The following DCAF16 variants were observed in gnomAD, a reference collection of about 807,000 sequenced individuals.
DCAF16 encodes the protein DDB1- and CUL4-associated factor 16.
A neutral mutation model predicts 17.3 loss-of-function variants in DCAF16; 10 were observed. The observed-to-expected ratio is 0.58, with a 90% CI of 0.36 to 0.98. The LOEUF is 0.98. Among genes scored for constraint, DCAF16 ranks in the 50% least tolerant of loss-of-function variants. The pLI, the probability that DCAF16 is intolerant of heterozygous loss-of-function variation, is 0.01. For missense variants in DCAF16, 249 were observed against 247.6 expected, an observed-to-expected ratio of 1.01 and a Z score of -0.04; for synonymous variants, 111 against 92.8, an observed-to-expected ratio of 1.20 and a Z score of -1.12.
At position 17,801,007 on chromosome 4, in the gene DCAF16, T is replaced by C. The variant is rs1021725020; in HGVS notation, c.*2484A>G. On this transcript the variant is annotated 3_prime_UTR_variant, in exon 3 of 3. Coordinates refer to ENST00000382247, the MANE Select transcript of DCAF16 (RefSeq NM_017741.4). The stretch of plus-strand genomic sequence containing the variant: ...AATAATTTCCACTAACAAATACTTT[T>C]ATTCTACAATTCCCTCTTTTTTCCT... 6.6e-6 allele frequency: 1 copy of C among 152,268 alleles called. No homozygotes were observed. Among genetic ancestry groups the C allele is most frequent in the African/African-American group, 2.4e-5 (1 of 41,468 alleles). 9.4% of individuals were successfully genotyped at this position (152,268 alleles called of 1,614,324 possible). A position where few individuals can be genotyped will look rare whatever the true frequency, so the allele number is the denominator to read the frequency against.
chr4:17,799,661 A>ATTC (rs966780207), downstream of DCAF16, among the ~76,000 whole-genome samples: 1 of 149,562 alleles, frequency 6.7e-6, no homozygotes, highest in African/African-American at 2.5e-5. Context: ...CATTTTCATC[A>ATTC]GAGACTTTTT....
chr4:17,794,105 T>C, the DCAF16 span, among the ~76,000 whole-genome samples: 9 of 152,068 alleles, frequency 5.9e-5, no homozygotes, highest in Admixed American at 4.6e-4. Flanking sequence ...ATAGCAAAAA[T>C]AGCATGGAAG....
At chr4:17,805,005 T>C (rs1048371644) in intron 2 of DCAF16, 102 bp downstream of exon 2, 4 of 152,232 alleles carry the variant, frequency 2.6e-5, no homozygotes, top group African/African-American at 7.2e-5. Flanking sequence ...GGCCAGTTTG[T>C]ATGCAGTTTT....
In DCAF16 at chr4:17,802,118, A is replaced by AG. The variant is rs1719846647; in HGVS notation, c.*1372_*1373insC. Reference sequence around the variant, plus strand: ...CTCCGTCTCAAAAAAAAAAAAAAAAAAAAAATTAGAAGGGTTCCTGAAAAG... The same window carrying AG: ...CTCCGTCTCAAAAAAAAAAAAAAAAAGAAAAATTAGAAGGGTTCCTGAAAAG... On this transcript the variant is annotated 3_prime_UTR_variant, in exon 3 of 3. Transcript: ENST00000382247. The AG allele has an allele frequency of 6.6e-6, 1 of 152,534 alleles. No homozygotes were observed. Among genetic ancestry groups the AG allele is most frequent in the African/African-American group, 2.4e-5 (1 of 41,352 alleles). 9.4% of individuals were successfully genotyped at this position (152,534 alleles called of 1,614,324 possible).
chr4:17,802,640 CAAAAAA>C lies in DCAF16; in HGVS notation c.*845_*850del, dbSNP rs11443279. ...GTTACCCAGTTTAATTCAACTACCT[CAAAAAA>C]AAAAAAAAAGAAAAAATAAAAGGAA... is the stretch of plus-strand genomic sequence containing the variant. On this transcript the variant is annotated 3_prime_UTR_variant, in exon 3 of 3. Transcript: ENST00000382247. 1 of 110,086 alleles carries C rather than the reference CAAAAAA, an allele frequency of 9.1e-6. No individual in the cohort carries two copies. Among genetic ancestry groups the C allele is most frequent in the Non-Finnish European group, 2.0e-5 (1 of 50,962 alleles). 6.8% of individuals were successfully genotyped at this position (110,086 alleles called of 1,614,324 possible).
chr4:17,799,302 C>T (rs1719581923), downstream of DCAF16, among the ~76,000 whole-genome samples: 1 of 152,116 alleles, frequency 6.6e-6, no homozygotes, highest in South Asian at 2.1e-4. Flanking sequence ...GAAGGGCCAA[C>T]ATATGGATTA....
At position 17,800,800 on chromosome 4, in the gene DCAF16, C is replaced by A. The variant is rs1719692977; in HGVS notation, c.*2691G>T. Reference sequence around the variant, plus strand: ...AAGGAACGTATTATGAACACATGAACATAAACATATTTTAATATTCAGACC... The same window carrying A: ...AAGGAACGTATTATGAACACATGAAAATAAACATATTTTAATATTCAGACC... On this transcript the variant is annotated 3_prime_UTR_variant, in exon 3 of 3. Coordinates refer to ENST00000382247, the MANE Select transcript of DCAF16 (RefSeq NM_017741.4). 1.3e-5 allele frequency: 2 copies of A among 152,684 alleles called. No individual in the cohort carries two copies. The highest frequency in any genetic ancestry group is 4.1e-4 in the South Asian group (2 of 4,822). 9.5% of individuals were successfully genotyped at this position (152,684 alleles called of 1,614,324 possible). A position where few individuals can be genotyped will look rare whatever the true frequency, so the allele number is the denominator to read the frequency against.
At chr4:17,793,818 G>A in the DCAF16 span, among the ~76,000 whole-genome samples, 4 of 152,138 alleles carry the variant, frequency 2.6e-5, no homozygotes, top group African/African-American at 9.6e-5. Flanking sequence ...CTTATGATTA[G>A]TGCACTCTAT....
downstream of DCAF16, among the ~76,000 whole-genome samples, chr4:17,796,708 AACG>A (rs1447941091): frequency 2.6e-5 from 4 of 152,178 alleles, no homozygotes; most frequent in Non-Finnish European, 4.4e-5. Context: ...TCCATCTCAC[AACG>A]ACAACAAACC....
intron 1 of DCAF16, among the ~76,000 whole-genome samples, chr4:17,805,809 T>A (rs1025768723): frequency 6.6e-6 from 1 of 152,082 alleles, no homozygotes; most frequent in African/African-American, 2.4e-5. Context: ...AAAAAAATTT[T>A]AAAAATTTAG....
intron 1 of DCAF16, among the ~76,000 whole-genome samples, chr4:17,807,622 C>T (rs1720449615): frequency 6.6e-6 from 1 of 152,058 alleles, no homozygotes; most frequent in Admixed American, 6.5e-5. Context: ...GAAGATATAC[C>T]CTGAAGCTAC....
At position 17,803,421 on chromosome 4, in the gene DCAF16, G is replaced by C; in HGVS notation, c.*70C>G. The C allele has an allele frequency of 7.1e-7, 1 of 1,415,034 alleles. No individual in the cohort carries two copies. The highest frequency in any genetic ancestry group is 1.3e-5 in the South Asian group (1 of 78,512). The allele number at this position is 1,415,034 out of a possible 1,614,324, so 87.7% of individuals were successfully genotyped here. On this transcript the variant is annotated 3_prime_UTR_variant, in exon 3 of 3. Coordinates refer to ENST00000382247, the MANE Select transcript of DCAF16 (RefSeq NM_017741.4). ...TTGACTGAGAAGGCATTAGTGGGCT[G>C]TGTAATGACTAACTTTGTACCACTT...
chr4:17,806,577 T>C (rs887514717), intron 1 of DCAF16, among the ~76,000 whole-genome samples: 8 of 152,186 alleles, frequency 5.3e-5, no homozygotes, highest in African/African-American at 1.7e-4. Flanking sequence ...TAATTTAAAA[T>C]ACAGACATTC....
chr4:17,802,774 C>T lies in DCAF16; in HGVS notation c.*717G>A, dbSNP rs1486585824. 7.2e-5 allele frequency: 11 copies of T among 152,190 alleles called. No homozygotes were observed. The highest frequency in any genetic ancestry group is 1.6e-4 in the Non-Finnish European group (11 of 68,044). The allele number at this position is 152,190 out of a possible 1,614,324, so 9.4% of individuals were successfully genotyped here. A position where few individuals can be genotyped will look rare whatever the true frequency, so the allele number is the denominator to read the frequency against. ...GTAGTTACTCAATTTAATTCAACTA[C>T]TTCCACAGAAATGTATGTTAGAGAA... On this transcript the variant is annotated 3_prime_UTR_variant, in exon 3 of 3. Transcript: ENST00000382247.
chr4:17,795,438 T>C, the DCAF16 span, among the ~76,000 whole-genome samples: 1 of 150,958 alleles, frequency 6.6e-6, no homozygotes, highest in Non-Finnish European at 1.5e-5. Context: ...GGAAATGTTA[T>C]TTTAATTTTT....
chr4:17,806,030 C>G (rs1720291866), intron 1 of DCAF16, among the ~76,000 whole-genome samples: 1 of 152,192 alleles, frequency 6.6e-6, no homozygotes, highest in African/African-American at 2.4e-5. Flanking sequence ...GAGACTGATA[C>G]TGTCTGACAC....
chr4:17,808,449 T>A (rs922141604), intron 1 of DCAF16, among the ~76,000 whole-genome samples: 2 of 152,238 alleles, frequency 1.3e-5, no homozygotes, highest in Non-Finnish European at 2.9e-5. Flanking sequence ...TAATTGTTTT[T>A]GTTCTGTTTC....
At position 17,801,638 on chromosome 4, in the gene DCAF16, T is replaced by C. The variant is rs1269128618; in HGVS notation, c.*1853A>G. Reference sequence around the variant, plus strand: ...AGATTTAATAGTCTCATGCATTTTATTTTACGTATACTGATTTCTACGTTT... The same window carrying C: ...AGATTTAATAGTCTCATGCATTTTACTTTACGTATACTGATTTCTACGTTT... On this transcript the variant is annotated 3_prime_UTR_variant, in exon 3 of 3. Coordinates refer to ENST00000382247, the MANE Select transcript of DCAF16 (RefSeq NM_017741.4). 1 of 152,198 alleles carries C rather than the reference T, an allele frequency of 6.6e-6. No homozygotes were observed. Among genetic ancestry groups the C allele is most frequent in the Admixed American group, 6.5e-5 (1 of 15,288 alleles). 9.4% of individuals were successfully genotyped at this position (152,198 alleles called of 1,614,324 possible).
chr4:17,800,662 T>C lies in DCAF16; in HGVS notation c.*2829A>G, dbSNP rs1038478860. On this transcript the variant is annotated 3_prime_UTR_variant, in exon 3 of 3. Transcript: ENST00000382247. ...ACAAATGACCATACTCTGTTCAGCATGTACAAAGCTATTGGTTTATTCAGC... is the reference window on the plus strand; with the variant it reads ...ACAAATGACCATACTCTGTTCAGCACGTACAAAGCTATTGGTTTATTCAGC... 15 of 152,796 alleles carry C rather than the reference T, an allele frequency of 9.8e-5. No homozygotes were observed. Among genetic ancestry groups the C allele is most frequent in the African/African-American group, 3.6e-4 (15 of 41,582 alleles). The allele number at this position is 152,796 out of a possible 1,614,324, so 9.5% of individuals were successfully genotyped here.
Sources: allele counts gnomAD v4.1 joint callset (sites outside exome capture counted in the v4.1 genomes callset), GRCh38; gene constraint gnomAD v4.1.1; transcripts MANE v1.5; gene names NCBI Gene and HGNC (gene_info 2026-07-23, HGNC 2026-07-21).